Variants in CYP4F2 observed in about 807,000 individuals in gnomAD.
CYP4F2 encodes cytochrome P450 family 4 subfamily F member 2.
A neutral mutation model predicts 58.9 loss-of-function variants in CYP4F2; 58 were observed. That is an observed-to-expected ratio of 0.98 (90% CI 0.80 to 1.23). CYP4F2 has a LOEUF of 1.23. Among genes scored for constraint, CYP4F2 ranks in the 50% most tolerant of loss-of-function variants. The probability of loss-of-function intolerance (pLI) is 0.00; values close to 1 mark genes in which losing one functional copy is unlikely to be tolerated. For missense variants in CYP4F2, 616 were observed against 685.6 expected, an observed-to-expected ratio of 0.90 and a Z score of 1.13; for synonymous variants, 287 against 261.1, an observed-to-expected ratio of 1.10 and a Z score of -0.95.
At position 15,879,629 on chromosome 19, in the gene CYP4F2, T is replaced by C; in HGVS notation, c.1289A>G (p.Asn430Ser). 6.2e-7 allele frequency: 1 copy of C among 1,613,948 alleles called. No individual in the cohort carries two copies. Among genetic ancestry groups the C allele is most frequent in the Non-Finnish European group, 8.5e-7 (1 of 1,179,968 alleles). Residue 430 changes from asparagine to serine, a missense_variant, in exon 11 of 13, where the codon AAC (asparagine) becomes AGC (serine). By Grantham distance (46) the Asn-to-Ser change is conservative (BLOSUM62 1). Coordinates refer to ENST00000221700, the MANE Select transcript of CYP4F2 (RefSeq NM_001082.5). ...CTCAGGGTCCGGCCACACAGCTGGG[T>C]TGTGATGGGTTCCGAAAACACTGAT... ...CLISVFGTHH[N>S]PAVWPDPEVY...
At chr19:15,886,102 G>C (rs750131793) in intron 8 of CYP4F2, 49 bp from the exon 9 acceptor site, 2 of 1,606,900 alleles carry the variant, frequency 1.2e-6, no homozygotes, top group Admixed American at 3.4e-5. Flanking sequence ...TTCAGCACCC[G>C]AAGGTAGACA....
rs2089376719 is a variant in CYP4F2 at position 15,886,026 on chromosome 19, G to A, written c.1013C>T (p.Ser338Phe). ...CTTTGCAAGGTGGTACAGGACCCAGGAGAGACCACTGGCCGTGGTGTCATG... is the reference window on the plus strand; with the variant it reads ...CTTTGCAAGGTGGTACAGGACCCAGAAGAGACCACTGGCCGTGGTGTCATG... ...EGHDTTASGL[S>F]WVLYHLAKHP... Residue 338 changes from serine (S) to phenylalanine (F), a missense_variant, in exon 9 of 13, where the codon TCC becomes TTC. Ser to Phe is a radical substitution (Grantham distance 155, BLOSUM62 -2). Transcript: ENST00000221700. The A allele has an allele frequency of 1.1e-5, 18 of 1,613,960 alleles. No homozygotes were observed. The highest frequency in any genetic ancestry group is 1.4e-5 in the Non-Finnish European group (16 of 1,180,022).
intron 9 of CYP4F2, among the ~76,000 whole-genome samples, chr19:15,885,311 G>C (rs895562267): frequency 5.3e-5 from 8 of 152,098 alleles, no homozygotes; most frequent in Non-Finnish European, 8.8e-5. Flanking sequence ...ATGTGGGCTG[G>C]GAGTGTCCTG....
At chr19:15,897,355 G>A (rs1488410290) in intron 2 of CYP4F2, 59 bp downstream of exon 2, 37 of 1,212,864 alleles carry the variant, frequency 3.1e-5, no homozygotes, top group Admixed American at 5.9e-5. Context: ...CCTAAGCCTC[G>A]TACCCCTCAG....
intron 9 of CYP4F2, 93 bp from the exon 10 acceptor site, chr19:15,879,990 G>A (rs897528455): frequency 1.1e-5 from 17 of 1,569,370 alleles, no homozygotes; most frequent in Non-Finnish European, 1.4e-5. Context: ...TTTTCTCCCC[G>A]CAATAAAATA....
At chr19:15,886,741 A>G (rs186387073) in intron 7 of CYP4F2, among the ~76,000 whole-genome samples, 1 of 152,282 alleles carries the variant, frequency 6.6e-6, no homozygotes, top group African/African-American at 2.4e-5. Context: ...GGACTATGGC[A>G]TCTCACTGAA....
chr19:15,885,541 C>T (rs1474287004), intron 9 of CYP4F2, among the ~76,000 whole-genome samples: 1 of 152,104 alleles, frequency 6.6e-6, no homozygotes, highest in East Asian at 1.9e-4. Context: ...CTTATAAAAC[C>T]CTGGACTCGA....
chr19:15,879,684 G>A lies in CYP4F2; in HGVS notation c.1250-16C>T, dbSNP rs748658078. ...CAGATAATGCCTGTGGGAGAGAAGG[G>A]AGCAGTCAGGAGAAGGCCTCCTTCA... is the stretch of plus-strand genomic sequence containing the variant. On this transcript the variant is annotated splice_polypyrimidine_tract_variant and intron_variant, in intron 10 of 12. Transcript: ENST00000221700. 8.2e-5 allele frequency: 133 copies of A among 1,614,062 alleles called. No homozygotes were observed. Among genetic ancestry groups the A allele is most frequent in the Non-Finnish European group, 1.1e-4 (133 of 1,180,038 alleles).
Position 15,892,708 on chromosome 19 carries a change from G to C in CYP4F2, c.344-126C>G, listed in dbSNP as rs1599356028. On this transcript the variant is annotated intron_variant, in intron 3 of 12. Coordinates refer to ENST00000221700, the MANE Select transcript of CYP4F2 (RefSeq NM_001082.5). ...CTGAGCCCCACATAGCAGGAAGAGG[G>C]CCAAGGGCAGAGGAAGAAGGGAGGA... is the stretch of plus-strand genomic sequence containing the variant. The C allele has an allele frequency of 9.9e-6, 14 of 1,413,742 alleles. No homozygotes were observed. In the East Asian group the frequency reaches 3.2e-4, roughly 33 times the overall value. 87.6% of individuals were successfully genotyped at this position (1,413,742 alleles called of 1,614,324 possible).
At chr19:15,884,183 C>T (rs1049383668) in intron 9 of CYP4F2, among the ~76,000 whole-genome samples, 6 of 152,116 alleles carry the variant, frequency 3.9e-5, no homozygotes, top group African/African-American at 9.7e-5. Flanking sequence ...ATTAAAAACA[C>T]TGGAATTTTG....
intron 7 of CYP4F2, 100 bp from the exon 8 acceptor site, chr19:15,886,408 T>A: frequency 6.8e-7 from 1 of 1,478,452 alleles, no homozygotes; most frequent in African/African-American, 1.4e-5. Flanking sequence ...CTCTGAAGAT[T>A]CATCCTTTTT....
intron 11 of CYP4F2, 74 bp downstream of exon 11, chr19:15,879,530 T>TCCA: frequency 6.2e-7 from 1 of 1,608,878 alleles, no homozygotes; most frequent in Non-Finnish European, 8.5e-7. Flanking sequence ...TGATGTTGGA[T>TCCA]ACTCCTGATC....
At chr19:15,889,292 C>T (rs930897120) in intron 7 of CYP4F2, 131 bp downstream of exon 7, 12 of 1,542,718 alleles carry the variant, frequency 7.8e-6, no homozygotes, top group South Asian at 7.3e-5. Flanking sequence ...CTATCTCTGA[C>T]CTGTCCCTCC....
At chr19:15,890,122 C>A (rs1568472476) in intron 6 of CYP4F2, among the ~76,000 whole-genome samples, 190 bp downstream of exon 6, 1 of 152,174 alleles carries the variant, frequency 6.6e-6, no homozygotes, top group African/African-American at 2.4e-5. Context: ...TCTGACCACA[C>A]CCACCAGTTC....
Position 15,878,107 on chromosome 19 carries a change from ATG to A in CYP4F2, c.*662_*663del, listed in dbSNP as rs1324820631. 6 of 152,354 alleles carry A rather than the reference ATG, an allele frequency of 3.9e-5. No individual in the cohort carries two copies. The highest frequency in any genetic ancestry group is 1.4e-4 in the African/African-American group (6 of 41,580). The allele number at this position is 152,354 out of a possible 1,614,324, so 9.4% of individuals were successfully genotyped here. A position where few individuals can be genotyped will look rare whatever the true frequency, so the allele number is the denominator to read the frequency against. On this transcript the variant is annotated 3_prime_UTR_variant, in exon 13 of 13. Transcript: ENST00000221700. Reference sequence around the variant, plus strand: ...AACAACCTGGACAGAAAAAAAATGTATGTGAGATAAAATAGCAAATTTTTTTG... The same window carrying A: ...AACAACCTGGACAGAAAAAAAATGTATGAGATAAAATAGCAAATTTTTTTG...
chr19:15,881,104 C>T (rs3093193), intron 9 of CYP4F2, among the ~76,000 whole-genome samples: 24 of 152,044 alleles, frequency 1.6e-4, no homozygotes, highest in Middle Eastern at 3.4e-3. Flanking sequence ...AACAGCCACA[C>T]GATGGAATAC....
Position 15,878,067 on chromosome 19 carries a change from G to A in CYP4F2, c.*704C>T, listed in dbSNP as rs1048420048. 2.6e-5 allele frequency: 4 copies of A among 152,086 alleles called. No individual in the cohort carries two copies. The highest frequency in any genetic ancestry group is 2.0e-4 in the Admixed American group (3 of 15,266). The allele number at this position is 152,086 out of a possible 1,614,324, so 9.4% of individuals were successfully genotyped here. A position where few individuals can be genotyped will look rare whatever the true frequency, so the allele number is the denominator to read the frequency against. On this transcript the variant is annotated 3_prime_UTR_variant, in exon 13 of 13. Transcript: ENST00000221700. Reference sequence around the variant, plus strand: ...TTAATGTCATGGAAAGATGCTCACAGCATATTATTATATGAACAACCTGGA... The same window carrying A: ...TTAATGTCATGGAAAGATGCTCACAACATATTATTATATGAACAACCTGGA...
rs940769535 is a variant in CYP4F2 at position 15,889,498 on chromosome 19, C to T, written c.843G>A (p.Gln281=). 6.8e-6 allele frequency: 11 copies of T among 1,614,210 alleles called. No individual in the cohort carries two copies. Among genetic ancestry groups the T allele is most frequent in the Non-Finnish European group, 7.6e-6 (9 of 1,180,048 alleles). ...IQERRRTLPS[Q]GVDDFLQAKA... ...TGGCTTGGAGGAAGTCATCAACACC[C>T]TGGCTAGGGAGAGTGCGGCGCCGCT... The change falls in exon 7 of 13, where the codon CAG becomes CAA. Residue 281 remains glutamine, a synonymous_variant. Transcript: ENST00000221700.
chr19:15,894,262 T>C (rs1187204843), intron 3 of CYP4F2, among the ~76,000 whole-genome samples: 1 of 152,148 alleles, frequency 6.6e-6, no homozygotes, highest in Non-Finnish European at 1.5e-5. Flanking sequence ...ACAAACTTCT[T>C]TGTGCCCCCA....
Sources: allele counts gnomAD v4.1 joint callset (sites outside exome capture counted in the v4.1 genomes callset), GRCh38; gene constraint gnomAD v4.1.1; transcripts MANE v1.5; gene names NCBI Gene and HGNC (gene_info 2026-07-23, HGNC 2026-07-21).